AZGP1: variants seen among roughly 807,000 people sequenced by gnomAD.
AZGP1 encodes the protein zinc-alpha-2-glycoprotein.
In AZGP1, 28 loss-of-function variants were observed where a neutral mutation model predicts 31.5. That is an observed-to-expected ratio of 0.89 (90% CI 0.66 to 1.22). The LOEUF (loss-of-function observed/expected upper bound fraction) is 1.22. Among genes scored for constraint, AZGP1 ranks in the 50% most tolerant of loss-of-function variants. AZGP1 has a pLI of 0.00. For synonymous variants in AZGP1, 135 were observed against 145.4 expected (o/e 0.93, Z 0.51); for missense variants, 361 against 371.8 (o/e 0.97, Z 0.24).
At chr7:99,967,341 A>C in intron 3 of AZGP1, 55 bp from the exon 4 acceptor site, 1 of 1,567,472 alleles carries the variant, frequency 6.4e-7, no homozygotes, top group Admixed American at 1.7e-5. Context: ...CTCCCGGCCC[A>C]GGTCTCTTCC....
At chr7:99,968,598 C>T (rs1789530109) in intron 2 of AZGP1, 168 bp from the exon 3 acceptor site, 4 of 832,608 alleles carry the variant, frequency 4.8e-6, no homozygotes, top group Non-Finnish European at 7.5e-6. Flanking sequence ...ATATATACAA[C>T]AGACAGAGAG....
At position 99,968,146 on chromosome 7, in the gene AZGP1, A is replaced by G; in HGVS notation, c.613+9T>C. 4 of 1,613,882 alleles carry G rather than the reference A, an allele frequency of 2.5e-6. No homozygotes were observed. The Admixed American group carries it at 5.0e-5, about 20-fold the overall frequency. ...GGCTCAGTACTGGGGAGCAGGAAGCAGTGAGTACCTTGCCGGTCCAGGATA... is the reference window on the plus strand; with the variant it reads ...GGCTCAGTACTGGGGAGCAGGAAGCGGTGAGTACCTTGCCGGTCCAGGATA... On this transcript the variant is annotated intron_variant, in intron 3 of 3. Coordinates refer to ENST00000292401, the MANE Select transcript of AZGP1 (RefSeq NM_001185.4).
intron 2 of AZGP1, among the ~76,000 whole-genome samples, chr7:99,970,102 C>T (rs905351826): frequency 1.3e-5 from 2 of 151,868 alleles, no homozygotes; most frequent in African/African-American, 4.8e-5. Context: ...ACTCCCTGTG[C>T]CTCTATTTCC....
In AZGP1 at chr7:99,968,295, T is replaced by C. The variant is rs772439068; in HGVS notation, c.473A>G (p.Asp158Gly). The change falls in exon 3 of 4, where the codon GAC (aspartate) becomes GGC (glycine). Residue 158 changes from aspartate to glycine, a missense_variant. Physicochemically the swap from Asp to Gly is moderately conservative, Grantham distance 94. Coordinates refer to ENST00000292401, the MANE Select transcript of AZGP1 (RefSeq NM_001185.4). ...NKEIPAWVPF[D>G]PAAQITKQKW... ...CTGCTTGGTTATCTGGGCTGCTGGG[T>C]CGAAGGGGACCCAGGCTGGGATTTC... is the stretch of plus-strand genomic sequence containing the variant. The C allele has an allele frequency of 1.1e-5, 18 of 1,613,594 alleles. No homozygotes were observed. Among genetic ancestry groups the C allele is most frequent in the Non-Finnish European group, 1.5e-5 (18 of 1,179,948 alleles).
chr7:99,971,210 C>T (rs1789571064), intron 2 of AZGP1, among the ~76,000 whole-genome samples: 1 of 152,236 alleles, frequency 6.6e-6, no homozygotes, highest in Non-Finnish European at 1.5e-5. Flanking sequence ...TCAGGACAGA[C>T]TGTGACATCC....
chr7:99,973,027 G>C (rs1411092044), intron 1 of AZGP1, among the ~76,000 whole-genome samples: 1 of 150,814 alleles, frequency 6.6e-6, no homozygotes, highest in Non-Finnish European at 1.5e-5. Context: ...TGAGGCAGGA[G>C]AATGGCATGA....
At chr7:99,973,470 G>A (rs981754689) in intron 1 of AZGP1, among the ~76,000 whole-genome samples, 3 of 152,088 alleles carry the variant, frequency 2.0e-5, no homozygotes, top group African/African-American at 4.8e-5. Flanking sequence ...CCCTACAATT[G>A]AATTCATGGA....
chr7:99,968,189 G>A lies in AZGP1; in HGVS notation c.579C>T (p.Tyr193=). 6.2e-7 allele frequency: 1 copy of A among 1,613,900 alleles called. No individual in the cohort carries two copies. Among genetic ancestry groups the A allele is most frequent in the Non-Finnish European group, 8.5e-7 (1 of 1,180,012 alleles). The change falls in exon 3 of 4, where the codon TAC becomes TAT. Residue 193 remains tyrosine, a synonymous_variant. Coordinates refer to ENST00000292401, the MANE Select transcript of AZGP1 (RefSeq NM_001185.4). ...CCAGGATATTTTTGCTGTATTTCAG[G>A]TATTTCCGCAGAGTCGCAGGGCACT... The part of the protein sequence containing the change: ...EEECPATLRK[Y]LKYSKNILDR...
chr7:99,973,547 G>T (rs1408001780), intron 1 of AZGP1, among the ~76,000 whole-genome samples: 1 of 152,120 alleles, frequency 6.6e-6, no homozygotes, highest in Non-Finnish European at 1.5e-5. Context: ...GGGAAATTGG[G>T]AGGGTGGTTA....
intron 1 of AZGP1, among the ~76,000 whole-genome samples, chr7:99,973,565 C>CA (rs199876616): frequency 8.5e-4 from 129 of 151,214 alleles, no homozygotes; most frequent in Middle Eastern, 3.4e-3. Context: ...TTAATGGGTA[C>CA]AAAAAAAATA....
chr7:99,970,513 G>A (rs1008045640), intron 2 of AZGP1, among the ~76,000 whole-genome samples: 3 of 152,102 alleles, frequency 2.0e-5, no homozygotes, highest in Admixed American at 6.6e-5. Flanking sequence ...AAAGTGCTGG[G>A]ATTACAAGAG....
chr7:99,974,451 G>C (rs1396300599), intron 1 of AZGP1, among the ~76,000 whole-genome samples: 1 of 151,822 alleles, frequency 6.6e-6, no homozygotes, highest in East Asian at 2.0e-4. Flanking sequence ...GCCAGGTGTG[G>C]TGGCAGGTGC....
chr7:99,968,205 G>T lies in AZGP1; in HGVS notation c.563C>A (p.Ala188Glu), dbSNP rs371473168. Reference protein sequence around the residue: ...AKAYLEEECPATLRKYLKYSK... With the variant: ...AKAYLEEECPETLRKYLKYSK... ...GTATTTCAGGTATTTCCGCAGAGTC[G>T]CAGGGCACTCCTCCTCCAGGTAAGC... Residue 188 changes from alanine to glutamate, a missense_variant, in exon 3 of 4, where the codon GCG becomes GAG. Physicochemically the swap from Ala to Glu is moderately radical, Grantham distance 107. Coordinates refer to ENST00000292401, the MANE Select transcript of AZGP1 (RefSeq NM_001185.4). The T allele has an allele frequency of 1.2e-6, 2 of 1,613,756 alleles. No individual in the cohort carries two copies. The highest frequency in any genetic ancestry group is 1.1e-5 in the South Asian group (1 of 91,062).
In AZGP1 at chr7:99,967,000, T is replaced by A. The variant is rs769909400; in HGVS notation, c.*3A>T. On this transcript the variant is annotated 3_prime_UTR_variant, in exon 4 of 4. Coordinates refer to ENST00000292401, the MANE Select transcript of AZGP1 (RefSeq NM_001185.4). The stretch of plus-strand genomic sequence containing the variant: ...ATCCCACATTGCCTCCAACCCTTGC[T>A]TCCTAGCTGGCCTCCCAGGGCACCA... 6.2e-7 allele frequency: 1 copy of A among 1,612,366 alleles called. No homozygotes were observed. Among genetic ancestry groups the A allele is most frequent in the Non-Finnish European group, 8.5e-7 (1 of 1,178,760 alleles).
chr7:99,974,559 C>T (rs1324653173), intron 1 of AZGP1, among the ~76,000 whole-genome samples: 2 of 152,014 alleles, frequency 1.3e-5, no homozygotes, highest in African/African-American at 2.4e-5. Context: ...TGCACTCCTG[C>T]CTGGGTGACA....
Position 99,966,969 on chromosome 7 carries a change from T to G in AZGP1, c.*34A>C, listed in dbSNP as rs193215019. 6.1e-4 allele frequency: 981 copies of G among 1,602,238 alleles called. No individual in the cohort carries two copies. In the African/African-American group the frequency reaches 7.8e-3, roughly 13 times the overall value. ...TCAGGCAGGAAGGGCAGCTACTGGG[T>G]CTGAGATCCCACATTGCCTCCAACC... On this transcript the variant is annotated 3_prime_UTR_variant, in exon 4 of 4. Transcript: ENST00000292401.
At chr7:99,967,757 C>G (rs961710267) in intron 3 of AZGP1, 10 of 474,120 alleles carry the variant, frequency 2.1e-5, no homozygotes, top group Non-Finnish European at 1.5e-5. Context: ...CCTCCCTTCT[C>G]TCCACCACCC....
intron 2 of AZGP1, among the ~76,000 whole-genome samples, chr7:99,970,052 C>G (rs1789553622): frequency 6.6e-6 from 1 of 152,044 alleles, no homozygotes; most frequent in African/African-American, 2.4e-5. Flanking sequence ...CCCCAGCCCC[C>G]CACCCCCACC....
chr7:99,969,162 A>G (rs1261406896), intron 2 of AZGP1, among the ~76,000 whole-genome samples: 1 of 151,820 alleles, frequency 6.6e-6, no homozygotes, highest in Non-Finnish European at 1.5e-5. Context: ...TAATCCCAGC[A>G]GTTAGGGAGG....
Sources: allele counts gnomAD v4.1 joint callset (sites outside exome capture counted in the v4.1 genomes callset), GRCh38; gene constraint gnomAD v4.1.1; transcripts MANE v1.5; gene names NCBI Gene and HGNC (gene_info 2026-07-23, HGNC 2026-07-21).